The following CSF1R variants were observed in gnomAD, a reference collection of about 807,000 sequenced individuals.
CSF1R encodes colony stimulating factor 1 receptor, also known as macrophage colony-stimulating factor 1 receptor.
In CSF1R, 40 loss-of-function variants were observed where a neutral mutation model predicts 110.0. The observed-to-expected ratio is 0.36, with a 90% CI of 0.28 to 0.47. CSF1R has a LOEUF of 0.47. CSF1R is among the 20% of genes least tolerant of loss of function. The pLI, the probability that CSF1R is intolerant of heterozygous loss-of-function variation, is 0.99. For synonymous variants in CSF1R, 523 were observed against 503.4 expected, an observed-to-expected ratio of 1.04 and a Z score of -0.52; for missense variants, 1,052 against 1,253.0, an observed-to-expected ratio of 0.84 and a Z score of 2.42.
chr5:150,058,676 A>G (rs146067476), intron 14 of CSF1R, among the ~76,000 whole-genome samples: 2 of 152,212 alleles, frequency 1.3e-5, no homozygotes, highest in South Asian at 2.1e-4. Flanking sequence ...TCAGAAGAGG[A>G]AGTGATGCTG....
Position 150,053,917 on chromosome 5 carries a change from T to A in CSF1R, c.*152A>T. 1 of 784,536 alleles carries A rather than the reference T, an allele frequency of 1.3e-6. No homozygotes were observed. Among genetic ancestry groups the A allele is most frequent in the Non-Finnish European group, 2.1e-6 (1 of 481,046 alleles). The allele number at this position is 784,536 out of a possible 1,614,324, so 48.6% of individuals were successfully genotyped here. A position where few individuals can be genotyped will look rare whatever the true frequency, so the allele number is the denominator to read the frequency against. ...GGAAGTGGGATCCTCTGACCTCCCC[T>A]GAATCCCTCACCTTCCCAAGTTTCA... is the stretch of plus-strand genomic sequence containing the variant. On this transcript the variant is annotated 3_prime_UTR_variant, in exon 21 of 21. Transcript: ENST00000675795.
At chr5:150,088,756 A>T (rs1758944349), upstream of CSF1R, among the ~76,000 whole-genome samples, 1 of 151,646 alleles carries the variant, frequency 6.6e-6, no homozygotes, top group Non-Finnish European at 1.5e-5. Context: ...CTAGTCTTGA[A>T]CTCCTGACCT....
At chr5:150,074,586 C>T (rs1438515960) in intron 5 of CSF1R, among the ~76,000 whole-genome samples, 3 of 152,204 alleles carry the variant, frequency 2.0e-5, no homozygotes, top group Non-Finnish European at 4.4e-5. Flanking sequence ...CTCTCCGTGC[C>T]TGTCATGGTA....
At chr5:150,074,790 C>T (rs537834271) in intron 5 of CSF1R, among the ~76,000 whole-genome samples, 12 of 152,238 alleles carry the variant, frequency 7.9e-5, no homozygotes, top group African/African-American at 2.9e-4. Context: ...TCAAGGCTCT[C>T]AATCAAATCA....
chr5:150,056,413 G>A, intron 16 of CSF1R, 72 bp from the exon 17 acceptor site: 1 of 1,585,162 alleles, frequency 6.3e-7, no homozygotes, highest in Non-Finnish European at 8.6e-7. Context: ...GGATGGCAGG[G>A]AGGGCCCCAC....
chr5:150,097,134 C>A (rs1759249689), intron 1 of CSF1R, among the ~76,000 whole-genome samples: 2 of 152,148 alleles, frequency 1.3e-5, no homozygotes, highest in African/African-American at 4.8e-5. Flanking sequence ...TGGTGATGCA[C>A]ACCTATAGTC....
At chr5:150,097,124 T>TTAAAAAGACTATA (rs1209317109) in intron 1 of CSF1R, among the ~76,000 whole-genome samples, 2 of 152,156 alleles carry the variant, frequency 1.3e-5, no homozygotes, top group African/African-American at 4.8e-5. Flanking sequence ...GAACCTAGCA[T>TTAAAAAGACTATA]GGTGATGCAC....
At chr5:150,105,824 A>T (rs1753729324) in intron 1 of CSF1R, among the ~76,000 whole-genome samples, 1 of 151,996 alleles carries the variant, frequency 6.6e-6, no homozygotes. Context: ...ACCACACTGG[A>T]CTCCCTAATA....
At chr5:150,113,101 T>C (rs1003557888) in intron 1 of CSF1R, among the ~76,000 whole-genome samples, 2 of 151,966 alleles carry the variant, frequency 1.3e-5, no homozygotes, top group African/African-American at 4.8e-5. Flanking sequence ...GCTGCCGGGG[T>C]CCCACAGGCC....
At chr5:150,104,198 A>G (rs11743387) in intron 1 of CSF1R, among the ~76,000 whole-genome samples, 12,194 of 152,254 alleles carry the variant, frequency 0.08, 624 homozygotes, top group Non-Finnish European at 0.12. Context: ...AATTCTCACC[A>G]AGTCCCTGAC....
At chr5:150,105,347 CA>C (rs780403646) in intron 1 of CSF1R, among the ~76,000 whole-genome samples, 13,661 of 76,292 alleles carry the variant, frequency 0.18, 1,318 homozygotes, top group Middle Eastern at 0.33. Context: ...GACTCTGTCT[CA>C]AAAAAAAAAA....
intron 1 of CSF1R, chr5:150,094,158 T>C (rs1759137444): frequency 1.8e-6 from 1 of 555,706 alleles, no homozygotes; most frequent in African/African-American, 1.9e-5. Context: ...TCAGACAAAA[T>C]AGACTTCAGA....
chr5:150,069,433 G>A (rs980780179), intron 9 of CSF1R, among the ~76,000 whole-genome samples: 5 of 152,174 alleles, frequency 3.3e-5, no homozygotes, highest in Non-Finnish European at 5.9e-5. Flanking sequence ...GAGAGTTGGA[G>A]AAGGCCGTCC....
In CSF1R at chr5:150,070,186, C is replaced by T. The variant is rs774962435; in HGVS notation, c.1315G>A (p.Asp439Asn). The T allele has an allele frequency of 6.2e-7, 1 of 1,613,700 alleles. No individual in the cohort carries two copies. The part of the protein sequence containing the change: ...VTWLQCSGHT[D>N]RCDEAQVLQV... Reference sequence around the variant, plus strand: ...AGGTGAGTGGAGCCCACTTACCTATCAGTGTGGCCACTGCACTGCAGCCAT... The same window carrying T: ...AGGTGAGTGGAGCCCACTTACCTATTAGTGTGGCCACTGCACTGCAGCCAT... The change falls in exon 8 of 21, where the codon GAT (aspartate) becomes AAT (asparagine). Residue 439 changes from aspartate (D) to asparagine (N), a missense_variant. Transcript: ENST00000675795.
At chr5:150,058,916 C>T (rs1457487874) in intron 14 of CSF1R, among the ~76,000 whole-genome samples, 1 of 152,166 alleles carries the variant, frequency 6.6e-6, no homozygotes, top group East Asian at 1.9e-4. Flanking sequence ...CCAGGCTCCA[C>T]CTCTAACCCT....
At chr5:150,094,095 G>C (rs189847211) in intron 1 of CSF1R, among the ~76,000 whole-genome samples, 64 of 151,588 alleles carry the variant, frequency 4.2e-4, no homozygotes, top group Non-Finnish European at 8.3e-4. Flanking sequence ...ATTATTATGT[G>C]TCAATCAAAA....
At chr5:150,074,305 G>GTTTTTTTTT (rs35475636) in intron 5 of CSF1R, among the ~76,000 whole-genome samples, 1 of 126,864 alleles carries the variant, frequency 7.9e-6, no homozygotes, top group South Asian at 2.6e-4. Flanking sequence ...GTCCTGACTA[G>GTTTTTTTTT]TTTTTTTTTT....
rs377213618 is a variant in CSF1R at position 150,070,285 on chromosome 5, C to T, written c.1216G>A (p.Val406Ile). Residue 406 changes from valine (V) to isoleucine (I), a missense_variant, in exon 8 of 21, where the codon GTC (valine) becomes ATC (isoleucine). Val to Ile is a conservative substitution (Grantham distance 29). Around this residue, in one of 5 missense-constraint regions of CSF1R, gnomAD observed 693 missense variants for 735.4 expected, o/e 0.94. Coordinates refer to ENST00000675795, the MANE Select transcript of CSF1R (RefSeq NM_001288705.3). ...GAGCCGTTGATGAATGTCCATATGA[C>T]GCTTACCTCTGGGGGGTCTGAGGAA... ...LTLRYPPEVSVIWTFINGSGT... is the reference protein window; with the variant it reads ...LTLRYPPEVSIIWTFINGSGT... 90 of 1,613,962 alleles carry T rather than the reference C, an allele frequency of 5.6e-5. No individual in the cohort carries two copies. Among genetic ancestry groups the T allele is most frequent in the South Asian group, 1.3e-4 (12 of 91,062 alleles).
At chr5:150,065,163 A>G (rs188941559) in intron 10 of CSF1R, among the ~76,000 whole-genome samples, 74 of 151,854 alleles carry the variant, frequency 4.9e-4, no homozygotes, top group Admixed American at 1.2e-3. Flanking sequence ...CATCCTCCCC[A>G]CCAAAGGGGG....
Sources: gnomAD v4.1 joint callset for allele counts (sites outside exome capture counted in the v4.1 genomes callset) on GRCh38, gnomAD v4.1.1 for gene constraint, gnomAD v4.1.1 regional missense constraint, MANE v1.5 for transcripts, NCBI Gene and HGNC (gene_info 2026-07-23, HGNC 2026-07-21) for gene names.